CYB561: variants seen among roughly 807,000 people sequenced by gnomAD.
CYB561 encodes transmembrane ascorbate-dependent reductase CYB561.
In CYB561, 11 loss-of-function variants were observed where a neutral mutation model predicts 25.3. The observed-to-expected ratio is 0.44, with a 90% CI of 0.27 to 0.72. The LOEUF (loss-of-function observed/expected upper bound fraction) is 0.72, where lower values mean the gene tolerates loss of function less well. CYB561 is among the 30% of genes least tolerant of loss of function. The probability of loss-of-function intolerance (pLI) is 0.18; values close to 1 mark genes in which losing one functional copy is unlikely to be tolerated. For missense variants in CYB561, 295 were observed against 334.9 expected (o/e 0.88, Z 0.93); for synonymous variants, 165 against 158.8 (o/e 1.04, Z -0.29).
rs968897795 is a variant in CYB561, at chr17:63,437,500, G to A, written c.48C>T (p.Tyr16=). The A allele has an allele frequency of 1.9e-6, 3 of 1,613,402 alleles. No homozygotes were observed. The highest frequency in any genetic ancestry group is 1.3e-5 in the African/African-American group (1 of 74,922). Residue 16 remains tyrosine, a synonymous_variant, in exon 2 of 6, where the codon TAC becomes TAT. Transcript: ENST00000360793. ...AAATPTALPY[Y]VAFSQLLGLT... ...GGCCCAGCAGCTGGGAGAAGGCCAC[G>A]TAGTAAGGCAGTGCTGTGGGGGTGG... is the stretch of plus-strand genomic sequence containing the variant.
chr17:63,437,391 G>A lies in CYB561; in HGVS notation c.157C>T (p.His53Tyr). Residue 53 changes from histidine (H) to tyrosine (Y), a missense_variant, in exon 2 of 6, where the codon CAC becomes TAC. By Grantham distance (83) the His-to-Tyr change is moderately conservative. Coordinates refer to ENST00000360793, the MANE Select transcript of CYB561 (RefSeq NM_001915.4). Reference sequence around the variant, plus strand: ...AGGCCTATGACCATGCAGAGGGGGTGCGCGTTGAACTGCAGGTCGCTCTCC... The same window carrying A: ...AGGCCTATGACCATGCAGAGGGGGTACGCGTTGAACTGCAGGTCGCTCTCC... Reference protein sequence around the residue: ...AWESDLQFNAHPLCMVIGLIF... With the variant: ...AWESDLQFNAYPLCMVIGLIF... The A allele has an allele frequency of 6.2e-7, 1 of 1,614,096 alleles. No homozygotes were observed. The highest frequency in any genetic ancestry group is 1.1e-5 in the South Asian group (1 of 91,082).
rs2049238350 is a variant in CYB561 at position 63,432,647 on chromosome 17, TAC to T, written c.*1753_*1754del. 1.3e-5 allele frequency: 2 copies of T among 152,144 alleles called. No homozygotes were observed. Among genetic ancestry groups the T allele is most frequent in the African/African-American group, 4.8e-5 (2 of 41,394 alleles). 9.4% of individuals were successfully genotyped at this position (152,144 alleles called of 1,614,324 possible). A position where few individuals can be genotyped will look rare whatever the true frequency, so the allele number is the denominator to read the frequency against. On this transcript the variant is annotated 3_prime_UTR_variant, in exon 6 of 6. Coordinates refer to ENST00000360793, the MANE Select transcript of CYB561 (RefSeq NM_001915.4). ...ACGGCACCCCTACCCCTGAAGAGTG[TAC>T]AGTCTAAACAGGAGGCGAACACTGT...
At chr17:63,434,908 CA>C (rs1462747173) in intron 5 of CYB561, among the ~76,000 whole-genome samples, 177 bp downstream of exon 5, 1 of 152,248 alleles carries the variant, frequency 6.6e-6, no homozygotes, top group Non-Finnish European at 1.5e-5. Flanking sequence ...AGGGTAAAAT[CA>C]AGAAAGCTAA....
intron 1 of CYB561, among the ~76,000 whole-genome samples, chr17:63,441,805 G>A (rs866698005): frequency 1.6e-4 from 25 of 152,228 alleles, no homozygotes; most frequent in South Asian, 6.2e-4. Flanking sequence ...CTGCTTTGAC[G>A]CAGGGGAAGC....
chr17:63,434,567 C>G lies in CYB561; in HGVS notation c.591G>C (p.Glu197Asp). 6.2e-7 allele frequency: 1 copy of G among 1,612,006 alleles called. No homozygotes were observed. Among genetic ancestry groups the G allele is most frequent in the Non-Finnish European group, 8.5e-7 (1 of 1,179,948 alleles). The change falls in exon 6 of 6, where the codon GAG (glutamate) becomes GAC (aspartate). Residue 197 changes from glutamate (E) to aspartate (D), a missense_variant. Physicochemically the swap from Glu to Asp is conservative, Grantham distance 45. Transcript: ENST00000360793. Reference sequence around the variant, plus strand: ...GGCCCAGCACGTTGGCCAGGACACCCTCGGGCTCAAATGCGCTATACTTGC... The same window carrying G: ...GGCCCAGCACGTTGGCCAGGACACCGTCGGGCTCAAATGCGCTATACTTGC... ...LGGKYSAFEP[E>D]GVLANVLGLL...
At chr17:63,437,780 A>AG in intron 1 of CYB561, 1 of 306,268 alleles carries the variant, frequency 3.3e-6, no homozygotes, top group Non-Finnish European at 5.8e-6. Context: ...TGCGCGCAAC[A>AG]CCCCCCCCGG....
chr17:63,437,252 C>T (rs2049312798), intron 2 of CYB561, 94 bp downstream of exon 2: 3 of 971,724 alleles, frequency 3.1e-6, no homozygotes, highest in Non-Finnish European at 3.2e-6. Flanking sequence ...ATTTGTCCAA[C>T]CAGAAGAGAC....
chr17:63,435,262 C>T lies in CYB561; in HGVS notation c.406-19G>A, dbSNP rs772939213. On this transcript the variant is annotated intron_variant, in intron 4 of 5. Transcript: ENST00000360793. ...CCAGCCACTAGGATTTGAAAGGAGA[C>T]GGTTCCGGGACAGGGCGGCCGGACA... is the stretch of plus-strand genomic sequence containing the variant. The T allele has an allele frequency of 1.7e-5, 28 of 1,611,200 alleles. No individual in the cohort carries two copies. Among genetic ancestry groups the T allele is most frequent in the South Asian group, 1.2e-4 (11 of 90,652 alleles).
rs182747405 is a variant in CYB561, at chr17:63,436,744, A to G, written c.203-592T>C. 463 of 161,018 alleles carry G rather than the reference A, an allele frequency of 2.9e-3. 6 individuals are homozygous for G. The highest frequency in any genetic ancestry group is 0.011 in the African/African-American group (443 of 41,654). The allele number at this position is 161,018 out of a possible 1,614,324, so 10.0% of individuals were successfully genotyped here. A position where few individuals can be genotyped will look rare whatever the true frequency, so the allele number is the denominator to read the frequency against. ...GATCCCAGCCTGATCTCCCGCGTCC[A>G]GAAGAGGTGGGCAAGGCCAGGTCAC... On this transcript the variant is annotated intron_variant, in intron 2 of 5. Transcript: ENST00000360793. The surrounding 1 kb of genome is among the most constrained non-coding windows in gnomAD (Gnocchi z 4.8).
intron 4 of CYB561, 110 bp from the exon 5 acceptor site, chr17:63,435,353 C>T: frequency 2.4e-6 from 3 of 1,226,680 alleles, no homozygotes; most frequent in Non-Finnish European, 3.5e-6. Context: ...AGCCCCTCAG[C>T]CCTGCCTGGT....
chr17:63,444,846 C>T (rs1363602917), intron 1 of CYB561, among the ~76,000 whole-genome samples: 1 of 152,200 alleles, frequency 6.6e-6, no homozygotes, highest in Non-Finnish European at 1.5e-5. Context: ...GGAGCCCAAG[C>T]TCTGCCTGCC....
At chr17:63,446,539 G>T (rs1051797023), upstream of CYB561, among the ~76,000 whole-genome samples, 3 of 152,074 alleles carry the variant, frequency 2.0e-5, no homozygotes, top group African/African-American at 7.2e-5. Flanking sequence ...ATGATCGGGG[G>T]TGCGTGGGAT....
chr17:63,435,062 C>G (rs746206371), intron 5 of CYB561, 24 bp downstream of exon 5: 1 of 1,605,178 alleles, frequency 6.2e-7, no homozygotes, highest in South Asian at 1.1e-5. Flanking sequence ...CCAGGCCCTG[C>G]CCTCTCCCAC....
Position 63,437,396 on chromosome 17 carries a change from T to C in CYB561, c.152A>G (p.Asn51Ser), listed in dbSNP as rs755426249. Residue 51 changes from asparagine to serine, a missense_variant, in exon 2 of 6, where the codon AAC (asparagine) becomes AGC (serine). Coordinates refer to ENST00000360793, the MANE Select transcript of CYB561 (RefSeq NM_001915.4). ...GIAWESDLQF[N>S]AHPLCMVIGL... ...TATGACCATGCAGAGGGGGTGCGCG[T>C]TGAACTGCAGGTCGCTCTCCCAGGC... 2.0e-5 allele frequency: 32 copies of C among 1,613,900 alleles called. No individual in the cohort carries two copies. The highest frequency in any genetic ancestry group is 3.3e-5 in the Admixed American group (2 of 59,998).
At chr17:63,440,073 T>C (rs2049359508) in intron 1 of CYB561, 1 of 398,488 alleles carries the variant, frequency 2.5e-6, no homozygotes, top group African/African-American at 2.1e-5. Context: ...CAGCCAACAA[T>C]AAATCCTATT....
chr17:63,444,091 C>T (rs1568026446), intron 1 of CYB561, among the ~76,000 whole-genome samples: 1 of 152,068 alleles, frequency 6.6e-6, no homozygotes, highest in Non-Finnish European at 1.5e-5. Context: ...CCAAGCAATT[C>T]TCCTGCCTCA....
intron 1 of CYB561, chr17:63,440,215 A>T: frequency 2.5e-6 from 1 of 398,758 alleles, no homozygotes. Flanking sequence ...AGACGCTTCA[A>T]ACCCAGCTCG....
Position 63,433,598 on chromosome 17 carries a change from C to T in CYB561, c.*804G>A. On this transcript the variant is annotated 3_prime_UTR_variant, in exon 6 of 6. Transcript: ENST00000360793. Reference sequence around the variant, plus strand: ...CCTGGGTGAGCCTGGGAGAGGAAACCAGAGCTGAGCCGCAAGGGGGGTGCT... The same window carrying T: ...CCTGGGTGAGCCTGGGAGAGGAAACTAGAGCTGAGCCGCAAGGGGGGTGCT... The T allele has an allele frequency of 2.6e-6, 1 of 385,902 alleles. No individual in the cohort carries two copies. 23.9% of individuals were successfully genotyped at this position (385,902 alleles called of 1,614,324 possible).
chr17:63,437,574 C>G lies in CYB561; in HGVS notation c.-13-14G>C. ...CTGAGGCAAACGCTGCAAGAAAGAG[C>G]AGAGCTCAGAGGAGCAGCGCACAGC... On this transcript the variant is annotated splice_polypyrimidine_tract_variant and intron_variant, in intron 1 of 5. Coordinates refer to ENST00000360793, the MANE Select transcript of CYB561 (RefSeq NM_001915.4). 1 of 1,595,954 alleles carries G rather than the reference C, an allele frequency of 6.3e-7. No individual in the cohort carries two copies. Among genetic ancestry groups the G allele is most frequent in the Non-Finnish European group, 8.5e-7 (1 of 1,176,804 alleles).
Sources: allele counts gnomAD v4.1 joint callset (sites outside exome capture counted in the v4.1 genomes callset), GRCh38; gene constraint gnomAD v4.1.1; non-coding constraint Gnocchi (gnomAD v3.1); transcripts MANE v1.5; gene names NCBI Gene and HGNC (gene_info 2026-07-23, HGNC 2026-07-21).